Variants in ZBTB48 observed in about 807,000 individuals in gnomAD.
ZBTB48 encodes zinc finger and BTB domain-containing protein 48.
ZBTB48 carries 35 observed loss-of-function variants against 64.5 expected under a neutral mutation model. The ratio of observed to expected loss-of-function variants is 0.54; its 90% CI spans 0.41 to 0.72. The LOEUF is 0.72. Ranked by LOEUF, ZBTB48 falls within the 30% of genes least tolerant of loss-of-function variation. ZBTB48 has a pLI of 0.00. For missense variants in ZBTB48, 828 were observed against 895.3 expected (o/e 0.92, Z 0.96); for synonymous variants, 442 against 356.7 (o/e 1.24, Z -2.70).
At chr1:6,587,999 G>A (rs1483654468) in intron 7 of ZBTB48, 61 bp from the exon 8 acceptor site, 2 of 1,599,992 alleles carry the variant, frequency 1.3e-6, no homozygotes, top group East Asian at 2.2e-5. Context: ...CCTAGCTGTA[G>A]CAGAGCAAGG....
At position 6,580,366 on chromosome 1, in the gene ZBTB48, TG is replaced by T; in HGVS notation, c.-69-173del. ...CTCACCAGGCCCTTCTTCACGACCC[TG>T]GCCCCCCATCCAGCATCCCCCCTGG... On this transcript the variant is annotated intron_variant, in intron 1 of 10. Coordinates refer to ENST00000377674, the MANE Select transcript of ZBTB48 (RefSeq NM_005341.4). This position sits in a 1 kb window ranked among gnomAD's most constrained non-coding sequence, Gnocchi z 5.2. Among the ~76,000 whole-genome samples the T allele has an allele frequency of 6.8e-6, 1 of 146,638 alleles. No individual in the cohort carries two copies. Among genetic ancestry groups the T allele is most frequent in the East Asian group, 1.9e-4 (1 of 5,170 alleles).
chr1:6,583,288 C>A (rs760303449), intron 3 of ZBTB48, among the ~76,000 whole-genome samples: 11 of 151,882 alleles, frequency 7.2e-5, no homozygotes, highest in Non-Finnish European at 1.5e-4. Flanking sequence ...CATGCTCAGC[C>A]TATGTTGTTT....
chr1:6,580,039 C>G lies in ZBTB48; in HGVS notation c.-167C>G, dbSNP rs762470928. 34 of 198,310 alleles carry G rather than the reference C, an allele frequency of 1.7e-4. No individual in the cohort carries two copies. Among genetic ancestry groups the G allele is most frequent in the Middle Eastern group, 2.4e-3 (1 of 416 alleles). 12.3% of individuals were successfully genotyped at this position (198,310 alleles called of 1,614,324 possible). A position where few individuals can be genotyped will look rare whatever the true frequency, so the allele number is the denominator to read the frequency against. On this transcript the variant is annotated 5_prime_UTR_variant, in exon 1 of 11. Transcript: ENST00000377674. The surrounding 1 kb of genome is among the most constrained non-coding windows in gnomAD (Gnocchi z 5.2). ...GCGCGGAGACGGTGGAGTCTCCGCA[C>G]TGTCGGCGGGGTACGCATAGCCGGG...
rs776367596 is a variant in ZBTB48, at chr1:6,585,895, C to T, written c.933-24C>T. Reference sequence around the variant, plus strand: ...AGATGGGAAACCCTCTCAGCCCCCCCACCCCTGTGGCTTCTCCTGGCAGGA... The same window carrying T: ...AGATGGGAAACCCTCTCAGCCCCCCTACCCCTGTGGCTTCTCCTGGCAGGA... On this transcript the variant is annotated intron_variant, in intron 3 of 10. Coordinates refer to ENST00000377674, the MANE Select transcript of ZBTB48 (RefSeq NM_005341.4). 7.4e-6 allele frequency: 12 copies of T among 1,611,372 alleles called. No homozygotes were observed. In the Admixed American group the frequency reaches 8.3e-5, roughly 11 times the overall value.
chr1:6,588,903 C>T lies in ZBTB48; in HGVS notation c.1771-13C>T, dbSNP rs748876841. Reference sequence around the variant, plus strand: ...AGGATCCCCCAAAGTTCTGAGCTCACCCTCCCCGCCAGGCCCACCTGCGGA... The same window carrying T: ...AGGATCCCCCAAAGTTCTGAGCTCATCCTCCCCGCCAGGCCCACCTGCGGA... On this transcript the variant is annotated splice_polypyrimidine_tract_variant and intron_variant, in intron 10 of 10. Transcript: ENST00000377674. 6.2e-7 allele frequency: 1 copy of T among 1,613,736 alleles called. No individual in the cohort carries two copies. Among genetic ancestry groups the T allele is most frequent in the Non-Finnish European group, 8.5e-7 (1 of 1,179,864 alleles).
rs746126930 is a variant in ZBTB48, at chr1:6,586,802, G to A, written c.1137+15G>A. ...TGCCCTACAAGGTCAGGCTTGGCCTGTCTCCAGGGCCAGGGTTGGGTGGCC... is the reference window on the plus strand; with the variant it reads ...TGCCCTACAAGGTCAGGCTTGGCCTATCTCCAGGGCCAGGGTTGGGTGGCC... On this transcript the variant is annotated intron_variant, in intron 5 of 10. Transcript: ENST00000377674. 4 of 1,606,890 alleles carry A rather than the reference G, an allele frequency of 2.5e-6. No homozygotes were observed. Among genetic ancestry groups the A allele is most frequent in the South Asian group, 1.1e-5 (1 of 89,842 alleles).
chr1:6,588,771 G>C lies in ZBTB48; in HGVS notation c.1697G>C (p.Arg566Pro). The change falls in exon 10 of 11, where the codon CGT becomes CCT. Residue 566 changes from arginine (R) to proline (P), a missense_variant. Physicochemically the swap from Arg to Pro is moderately radical, Grantham distance 103. Coordinates refer to ENST00000377674, the MANE Select transcript of ZBTB48 (RefSeq NM_005341.4). Reference sequence around the variant, plus strand: ...CCTCTTGCAGCCGTGGAGCAACTGCGTGTGCACGTCAGACGGCACAAGGGG... The same window carrying C: ...CCTCTTGCAGCCGTGGAGCAACTGCCTGTGCACGTCAGACGGCACAAGGGG... ...GKTFKAVEQL[R>P]VHVRRHKGVR... is the part of the protein sequence containing the mutation. 5 of 1,614,126 alleles carry C rather than the reference G, an allele frequency of 3.1e-6. No individual in the cohort carries two copies. The highest frequency in any genetic ancestry group is 4.2e-6 in the Non-Finnish European group (5 of 1,180,040).
chr1:6,586,990 C>A, intron 5 of ZBTB48: 1 of 851,434 alleles, frequency 1.2e-6, no homozygotes, highest in Non-Finnish European at 1.9e-6. Context: ...CCTTATTAGG[C>A]CCTTGTTTCT....
At chr1:6,587,704 G>A (rs1640727225) in intron 7 of ZBTB48, 72 bp downstream of exon 7, 1 of 1,584,512 alleles carries the variant, frequency 6.3e-7, no homozygotes, top group East Asian at 2.3e-5. Flanking sequence ...AGGGAAGACA[G>A]AGTTTGCTGA....
At position 6,580,714 on chromosome 1, in the gene ZBTB48, G is replaced by A; in HGVS notation, c.105G>A (p.Leu35=). 1 of 1,614,160 alleles carries A rather than the reference G, an allele frequency of 6.2e-7. No homozygotes were observed. ...YCDATLDVGG[L]VFKAHWSVLA... ...ACGCCACTCTGGACGTGGGGGGCCT[G>A]GTGTTTAAGGCACACTGGAGTGTCC... Residue 35 remains leucine, a synonymous_variant, in exon 2 of 11, where the codon CTG becomes CTA. Transcript: ENST00000377674. This position sits in a 1 kb window ranked among gnomAD's most constrained non-coding sequence, Gnocchi z 5.2.
At chr1:6,587,173 G>A (rs376525865) in intron 5 of ZBTB48, 32 bp from the exon 6 acceptor site, 29 of 1,612,580 alleles carry the variant, frequency 1.8e-5, no homozygotes, top group South Asian at 4.4e-5. Flanking sequence ...GGTGCAGGCC[G>A]CCCTGGAGGT....
At chr1:6,582,346 C>T (rs756283716) in intron 3 of ZBTB48, 47 bp downstream of exon 3, 43 of 1,588,522 alleles carry the variant, frequency 2.7e-5, no homozygotes, top group South Asian at 1.0e-4. Flanking sequence ...GCCATTCCCA[C>T]GTTGGGGGAG....
At position 6,580,668 on chromosome 1, in the gene ZBTB48, G is replaced by A. The variant is rs1640411307; in HGVS notation, c.59G>A (p.Arg20Gln). ...VRVLQELNKQ[R>Q]EKGQYCDATL... is the part of the protein sequence containing the mutation. ...GTTCTGCAGGAGCTCAACAAGCAGCGGGAGAAGGGCCAGTACTGCGACGCC... is the reference window on the plus strand; with the variant it reads ...GTTCTGCAGGAGCTCAACAAGCAGCAGGAGAAGGGCCAGTACTGCGACGCC... The change falls in exon 2 of 11, where the codon CGG (arginine) becomes CAG (glutamine). Residue 20 changes from arginine to glutamine, a missense_variant. Transcript: ENST00000377674. The surrounding 1 kb of genome is among the most constrained non-coding windows in gnomAD (Gnocchi z 5.2). 1 of 1,614,118 alleles carries A rather than the reference G, an allele frequency of 6.2e-7. No homozygotes were observed. The highest frequency in any genetic ancestry group is 1.7e-4 in the Middle Eastern group (1 of 6,052).
At chr1:6,586,912 GCCT>G in intron 5 of ZBTB48, 125 bp downstream of exon 5, 1 of 1,071,754 alleles carries the variant, frequency 9.3e-7, no homozygotes, top group Non-Finnish European at 1.4e-6. Flanking sequence ...TGCCTTCCCT[GCCT>G]TCCCTGCCTT....
intron 4 of ZBTB48, chr1:6,586,305 G>A (rs1462301587): frequency 5.7e-6 from 3 of 524,856 alleles, no homozygotes; most frequent in African/African-American, 1.9e-5. Context: ...CTTTGGAGAA[G>A]GGGAGCCGCT....
In ZBTB48 at chr1:6,587,963, C is replaced by G; in HGVS notation, c.1380-97C>G. 7 of 1,527,924 alleles carry G rather than the reference C, an allele frequency of 4.6e-6. No individual in the cohort carries two copies. In the South Asian group the frequency reaches 6.2e-5, roughly 14 times the overall value. 94.6% of individuals were successfully genotyped at this position (1,527,924 alleles called of 1,614,324 possible). A position where few individuals can be genotyped will look rare whatever the true frequency, so the allele number is the denominator to read the frequency against. On this transcript the variant is annotated intron_variant, in intron 7 of 10. Coordinates refer to ENST00000377674, the MANE Select transcript of ZBTB48 (RefSeq NM_005341.4). ...GTGGTGCCCCTTTCCTAGCACTGCC[C>G]AAGCCCTCTTTCCACCAGGCATGCT...
intron 9 of ZBTB48, 26 bp from the exon 10 acceptor site, chr1:6,588,730 C>A (rs772811439): frequency 1.9e-6 from 3 of 1,613,702 alleles, no homozygotes; most frequent in South Asian, 1.1e-5. Flanking sequence ...CCTGCATGAT[C>A]CCCCACGGTG....
In ZBTB48 at chr1:6,588,556, G is replaced by A. The variant is rs1178183695; in HGVS notation, c.1681+114G>A. On this transcript the variant is annotated intron_variant, in intron 9 of 10. Transcript: ENST00000377674. ...CTCTTTTGTGCCCCACATGGTTAGA[G>A]TTGAGAGTGGACCTGCTTTGAAGGC... 4.1e-6 allele frequency: 6 copies of A among 1,449,068 alleles called. No homozygotes were observed. In the Admixed American group the frequency reaches 1.5e-4, roughly 37 times the overall value. 89.8% of individuals were successfully genotyped at this position (1,449,068 alleles called of 1,614,324 possible). A position where few individuals can be genotyped will look rare whatever the true frequency, so the allele number is the denominator to read the frequency against.
chr1:6,583,509 C>T (rs983397007), intron 3 of ZBTB48, among the ~76,000 whole-genome samples: 10 of 151,524 alleles, frequency 6.6e-5, no homozygotes, highest in Admixed American at 6.6e-4. Context: ...CTATCTTGGC[C>T]AGGCTGGTCT....
Sources: gnomAD v4.1 joint callset for allele counts (sites outside exome capture counted in the v4.1 genomes callset) on GRCh38, gnomAD v4.1.1 for gene constraint, Gnocchi (gnomAD v3.1) non-coding constraint, MANE v1.5 for transcripts, NCBI Gene and HGNC (gene_info 2026-07-23, HGNC 2026-07-21) for gene names.